The following MCC variants were observed in gnomAD, a reference collection of about 807,000 sequenced individuals.
The protein encoded by MCC is colorectal mutant cancer protein.
In MCC, 90 loss-of-function variants were observed where a neutral mutation model predicts 116.2. The observed-to-expected ratio is 0.77, with a 90% confidence interval of 0.65 to 0.92. The LOEUF (loss-of-function observed/expected upper bound fraction) is 0.92. Ranked by LOEUF, MCC falls within the 40% of genes least tolerant of loss-of-function variation. The pLI is 0.00. For synonymous variants in MCC, 578 were observed against 510.5 expected, an observed-to-expected ratio of 1.13 and a Z score of -1.78; for missense variants, 1,516 against 1,312.2, an observed-to-expected ratio of 1.16 and a Z score of -2.40.
chr5:113,398,111 A>G (rs556083361), intron 1 of MCC, among the ~76,000 whole-genome samples: 7 of 152,382 alleles, frequency 4.6e-5, no homozygotes, highest in African/African-American at 1.7e-4. Flanking sequence ...CATCAGAGAA[A>G]TGCAAATCAA....
chr5:113,461,544 C>A (rs1771742182), intron 1 of MCC, among the ~76,000 whole-genome samples: 1 of 151,334 alleles, frequency 6.6e-6, no homozygotes. Context: ...GTGGCTCATG[C>A]CTGTAATCCC....
rs5870532 is a variant in MCC at position 113,101,384 on chromosome 5, A to AT, written c.1398+354dup. ...AAAAAAATTAAAAAGGTAAAATTCC[A>AT]TTTTTTTTTTTCAAATTCTAAAGAC... On this transcript the variant is annotated intron_variant, in intron 8 of 18. Coordinates refer to ENST00000408903, the MANE Select transcript of MCC (RefSeq NM_001085377.2). The AT allele has an allele frequency of 6.8e-3, 1,154 of 170,800 alleles. 13 individuals carry two copies. Among genetic ancestry groups the AT allele is most frequent in the African/African-American group, 0.023 (952 of 41,396 alleles). The allele number at this position is 170,800 out of a possible 1,614,324, so 10.6% of individuals were successfully genotyped here. A position where few individuals can be genotyped will look rare whatever the true frequency, so the allele number is the denominator to read the frequency against.
chr5:113,073,851 A>G (rs539683848), intron 11 of MCC, among the ~76,000 whole-genome samples: 1 of 152,298 alleles, frequency 6.6e-6, no homozygotes, highest in Non-Finnish European at 1.5e-5. Context: ...GCCACTGCTG[A>G]GGGTTGAGTA....
chr5:113,151,661 A>G (rs1049223013), intron 3 of MCC, among the ~76,000 whole-genome samples: 18 of 152,178 alleles, frequency 1.2e-4, no homozygotes, highest in African/African-American at 4.3e-4. Flanking sequence ...CTAATTTTGC[A>G]TGGTATAATC....
chr5:113,414,913 C>G (rs530117120), intron 1 of MCC, among the ~76,000 whole-genome samples: 52 of 152,238 alleles, frequency 3.4e-4, no homozygotes, highest in Admixed American at 1.2e-3. Flanking sequence ...ACCAGTTGTT[C>G]CTTTCTTTCT....
In MCC at chr5:113,333,846, T is replaced by TATATGTACATATGTACATATGTAC. The variant is rs1767794211; in HGVS notation, c.627+6672_627+6673insGTACATATGTACATATGTACATAT. 4.8e-5 allele frequency among the ~76,000 whole-genome samples: 3 copies of TATATGTACATATGTACATATGTAC among 62,640 alleles called. 1 individual carries two copies. Among genetic ancestry groups the TATATGTACATATGTACATATGTAC allele is most frequent in the Admixed American group, 4.1e-4 (2 of 4,886 alleles). 41.1% of individuals were successfully genotyped at this position (62,640 alleles called of 152,430 possible). On this transcript the variant is annotated intron_variant, in intron 3 of 18. Coordinates refer to ENST00000408903, the MANE Select transcript of MCC (RefSeq NM_001085377.2). Reference sequence around the variant, plus strand: ...ATATATGTATATATGTATATATGTATATATGTACATATATGTATATATGTA... The same window carrying TATATGTACATATGTACATATGTAC: ...ATATATGTATATATGTATATATGTATATATGTACATATGTACATATGTACATATGTACATATATGTATATATGTA...
At chr5:113,433,624 G>T in intron 1 of MCC, 1 of 1,319,934 alleles carries the variant, frequency 7.6e-7, no homozygotes, top group Non-Finnish European at 1.0e-6. Flanking sequence ...AGAAGCTGAT[G>T]AAAATAGAGG....
chr5:113,273,330 G>C (rs1765684176), intron 3 of MCC, among the ~76,000 whole-genome samples: 1 of 152,140 alleles, frequency 6.6e-6, no homozygotes, highest in African/African-American at 2.4e-5. Flanking sequence ...GGTTTTCTAA[G>C]AACTGCCCCC....
intron 16 of MCC, 111 bp from the exon 17 acceptor site, chr5:113,043,741 C>A: frequency 1.5e-6 from 1 of 683,810 alleles, no homozygotes. Flanking sequence ...GCAGTGTGGG[C>A]ACCGGGTGGC....
chr5:113,107,467 T>G (rs959243678), intron 6 of MCC, among the ~76,000 whole-genome samples: 6 of 152,066 alleles, frequency 3.9e-5, no homozygotes, highest in African/African-American at 1.2e-4. Flanking sequence ...TTTTGTTCCT[T>G]GTTGTGGACC....
rs1362036307 is a variant in MCC, at chr5:113,028,918, A to T, written c.2879+16T>A. On this transcript the variant is annotated intron_variant, in intron 18 of 18. Coordinates refer to ENST00000408903, the MANE Select transcript of MCC (RefSeq NM_001085377.2). ...AGGTGGAGGGCGGTGGGGGCTGGGT[A>T]TAGGGAGATTTTTACCTGTTGGCCC... 5 of 1,612,170 alleles carry T rather than the reference A, an allele frequency of 3.1e-6. No homozygotes were observed. In the Admixed American group the frequency reaches 6.7e-5, roughly 22 times the overall value.
At chr5:113,413,272 G>C (rs1239166099) in intron 1 of MCC, among the ~76,000 whole-genome samples, 1 of 152,188 alleles carries the variant, frequency 6.6e-6, no homozygotes, top group East Asian at 1.9e-4. Flanking sequence ...ATATCAGAAT[G>C]ATGCTGTCCT....
intron 1 of MCC, among the ~76,000 whole-genome samples, chr5:113,444,091 C>T (rs777588606): frequency 1.2e-4 from 18 of 151,810 alleles, no homozygotes; most frequent in African/African-American, 3.1e-4. Context: ...GTGATCTATC[C>T]GCTTTGGCCT....
At chr5:113,191,802 A>G (rs1664575502) in intron 3 of MCC, among the ~76,000 whole-genome samples, 1 of 152,206 alleles carries the variant, frequency 6.6e-6, no homozygotes, top group Admixed American at 6.5e-5. Flanking sequence ...ACTCCCCATG[A>G]AGGCCAAAGG....
At chr5:113,287,098 CA>C (rs537383600) in intron 3 of MCC, among the ~76,000 whole-genome samples, 9 of 151,896 alleles carry the variant, frequency 5.9e-5, no homozygotes, top group African/African-American at 2.2e-4. Context: ...AAAGAGGGTT[CA>C]AAAAAATAAT....
intron 12 of MCC, among the ~76,000 whole-genome samples, chr5:113,070,882 G>GCA (rs1753990628): frequency 6.6e-6 from 1 of 151,902 alleles, no homozygotes; most frequent in Admixed American, 6.5e-5. Flanking sequence ...TAAATGAAAT[G>GCA]ATATTTAAGA....
intron 17 of MCC, among the ~76,000 whole-genome samples, chr5:113,039,837 T>C (rs151088189): frequency 1.3e-5 from 2 of 151,390 alleles, no homozygotes; most frequent in East Asian, 3.9e-4. Flanking sequence ...GAGGGCGGGC[T>C]GCACAAACAC....
Position 113,433,211 on chromosome 5 carries a change from C to A in MCC, c.171-47999G>T, listed in dbSNP as rs185719594. 8.9e-4 allele frequency: 161 copies of A among 181,854 alleles called. No homozygotes were observed. The East Asian group carries it at 0.021, about 23-fold the overall frequency. 11.3% of individuals were successfully genotyped at this position (181,854 alleles called of 1,614,324 possible). A position where few individuals can be genotyped will look rare whatever the true frequency, so the allele number is the denominator to read the frequency against. ...CTGCCGCCGAGAGTGCCCGCGAGCC[C>A]GTGGCCCAGCCGAAGCTCTTTCCCG... On this transcript the variant is annotated intron_variant, in intron 1 of 18. Coordinates refer to ENST00000408903, the MANE Select transcript of MCC (RefSeq NM_001085377.2).
intron 5 of MCC, among the ~76,000 whole-genome samples, chr5:113,138,584 C>T (rs1261360233): frequency 1.3e-5 from 2 of 152,168 alleles, no homozygotes; most frequent in Admixed American, 6.5e-5. Context: ...GACTTCCCAG[C>T]CCCCAGAACT....
Sources: gnomAD v4.1 joint callset for allele counts (sites outside exome capture counted in the v4.1 genomes callset) on GRCh38, gnomAD v4.1.1 for gene constraint, MANE v1.5 for transcripts, NCBI Gene and HGNC (gene_info 2026-07-23, HGNC 2026-07-21) for gene names.